The following YAP1 variants were observed in gnomAD, a reference collection of about 807,000 sequenced individuals.
The protein encoded by YAP1 is Yes1 associated transcriptional regulator, also known as transcriptional coactivator YAP1.
YAP1 carries 5 observed loss-of-function variants against 56.9 expected under a neutral mutation model. That is an observed-to-expected ratio of 0.09 (90% CI 0.05 to 0.18). The LOEUF is 0.18. Among genes scored for constraint, YAP1 ranks in the 10% least tolerant of loss-of-function variants. YAP1 has a pLI of 1.00. For missense variants in YAP1, 539 were observed against 651.8 expected (o/e 0.83, Z 1.88); for synonymous variants, 265 against 248.1 (o/e 1.07, Z -0.64).
chr11:102,153,549 A>C (rs1945782250), intron 2 of YAP1, among the ~76,000 whole-genome samples: 1 of 152,208 alleles, frequency 6.6e-6, no homozygotes, highest in South Asian at 2.1e-4. Context: ...TGTTTATTAT[A>C]TGTGAATTAG....
At chr11:102,208,091 A>G (rs1389669806) in intron 5 of YAP1, among the ~76,000 whole-genome samples, 5 of 152,230 alleles carry the variant, frequency 3.3e-5, no homozygotes, top group Non-Finnish European at 5.9e-5. Flanking sequence ...AAAATTAAAT[A>G]TCACACCTAG....
intron 4 of YAP1, among the ~76,000 whole-genome samples, chr11:102,197,177 C>T (rs1728655754): frequency 1.3e-5 from 2 of 152,204 alleles, no homozygotes; most frequent in South Asian, 2.1e-4. Flanking sequence ...ATGAGGAAAA[C>T]CCAAATATTT....
At position 102,223,781 on chromosome 11, in the gene YAP1, C is replaced by T. The variant is rs374301308; in HGVS notation, c.1163+29C>T. On this transcript the variant is annotated intron_variant, in intron 7 of 8. Transcript: ENST00000282441. ...GGTGAAAGTTGCTACTGGTGAATATCTGAAAAGGATCATTGCTTTAAAATC... is the reference window on the plus strand; with the variant it reads ...GGTGAAAGTTGCTACTGGTGAATATTTGAAAAGGATCATTGCTTTAAAATC... The T allele has an allele frequency of 9.9e-6, 16 of 1,612,540 alleles. No individual in the cohort carries two copies. In the African/African-American group the frequency reaches 2.0e-4, roughly 20 times the overall value.
chr11:102,214,060 G>C (rs892772920), intron 6 of YAP1, among the ~76,000 whole-genome samples: 1 of 152,206 alleles, frequency 6.6e-6, no homozygotes, highest in African/African-American at 2.4e-5. Context: ...CTGGGTGACA[G>C]AGTGAGACTC....
At chr11:102,193,850 T>G (rs1343610980) in intron 4 of YAP1, among the ~76,000 whole-genome samples, 3 of 151,648 alleles carry the variant, frequency 2.0e-5, no homozygotes, top group South Asian at 2.1e-4. Context: ...TTTGTTTTTT[T>G]TTTTTTGAGA....
intron 6 of YAP1, among the ~76,000 whole-genome samples, chr11:102,219,008 T>C (rs1215301257): frequency 6.6e-6 from 1 of 152,162 alleles, no homozygotes; most frequent in Non-Finnish European, 1.5e-5. Context: ...GTTGTAAAAA[T>C]AATATGAAAA....
At chr11:102,183,368 A>T (rs998913428) in intron 3 of YAP1, among the ~76,000 whole-genome samples, 2 of 152,214 alleles carry the variant, frequency 1.3e-5, no homozygotes, top group Non-Finnish European at 2.9e-5. Flanking sequence ...TTTCCTCTTG[A>T]TGGAGAGCAA....
chr11:102,193,778 C>T (rs1051334282), intron 4 of YAP1, among the ~76,000 whole-genome samples: 10 of 151,862 alleles, frequency 6.6e-5, no homozygotes, highest in South Asian at 2.1e-4. Flanking sequence ...TTACTAAAGC[C>T]GCTATCAAAC....
At chr11:102,184,701 C>T (rs1199942576) in intron 3 of YAP1, among the ~76,000 whole-genome samples, 3 of 152,228 alleles carry the variant, frequency 2.0e-5, no homozygotes, top group Non-Finnish European at 2.9e-5. Context: ...TATTCAGCAT[C>T]ACCCATGAGA....
intron 6 of YAP1, among the ~76,000 whole-genome samples, chr11:102,212,918 T>C (rs149461849): frequency 2.5e-4 from 38 of 152,362 alleles, no homozygotes; most frequent in Admixed American, 1.2e-3. Flanking sequence ...TGGTTACTTA[T>C]GATTTTTATG....
At chr11:102,204,841 T>C (rs188138208) in intron 4 of YAP1, among the ~76,000 whole-genome samples, 2 of 152,202 alleles carry the variant, frequency 1.3e-5, no homozygotes, top group African/African-American at 4.8e-5. Flanking sequence ...TTCCTTGTTA[T>C]GCTCTGGAAG....
intron 7 of YAP1, 40 bp downstream of exon 7, chr11:102,223,792 C>G: frequency 1.2e-6 from 2 of 1,610,798 alleles, no homozygotes; most frequent in Middle Eastern, 1.7e-4. Context: ...TGAAAAGGAT[C>G]ATTGCTTTAA....
rs760516459 is a variant in YAP1 at position 102,204,016 on chromosome 11, G to A, written c.803-1877G>A. On this transcript the variant is annotated intron_variant, in intron 4 of 8. Transcript: ENST00000282441. Reference sequence around the variant, plus strand: ...GCTGAGAAGATTGGATTGAACTAAGGCATTATTCTGAGGGAGGTTGGTCTG... The same window carrying A: ...GCTGAGAAGATTGGATTGAACTAAGACATTATTCTGAGGGAGGTTGGTCTG... 3.3e-5 allele frequency among the ~76,000 whole-genome samples: 5 copies of A among 151,960 alleles called. No individual in the cohort carries two copies. The South Asian group carries it at 6.2e-4, about 19-fold the overall frequency.
At chr11:102,160,859 C>T (rs1050284267) in intron 2 of YAP1, among the ~76,000 whole-genome samples, 1 of 152,158 alleles carries the variant, frequency 6.6e-6, no homozygotes, top group African/African-American at 2.4e-5. Flanking sequence ...TCCCTTTGCA[C>T]ATCTTCAGCT....
intron 4 of YAP1, among the ~76,000 whole-genome samples, chr11:102,195,194 T>C (rs1303532666): frequency 6.6e-6 from 1 of 152,214 alleles, no homozygotes; most frequent in African/African-American, 2.4e-5. Flanking sequence ...TTCTCCCTTT[T>C]CTGCCTCACC....
intron 4 of YAP1, among the ~76,000 whole-genome samples, chr11:102,194,829 A>G (rs1948490773): frequency 6.6e-6 from 1 of 152,242 alleles, no homozygotes; most frequent in Non-Finnish European, 1.5e-5. Flanking sequence ...AAATGAAATT[A>G]GAAATAAAGT....
At chr11:102,206,691 A>C (rs1949137324) in intron 5 of YAP1, among the ~76,000 whole-genome samples, 1 of 152,130 alleles carries the variant, frequency 6.6e-6, no homozygotes, top group African/African-American at 2.4e-5. Context: ...AAAAATAAAA[A>C]AATTAGCCAA....
chr11:102,193,713 G>A lies in YAP1; in HGVS notation c.802+7582G>A, dbSNP rs141849681. On this transcript the variant is annotated intron_variant, in intron 4 of 8. Transcript: ENST00000282441. ...CATACAGGATTTTTTAAACATGAAAGTTTAAGACCAGCAACGTCAATTAGA... is the reference window on the plus strand; with the variant it reads ...CATACAGGATTTTTTAAACATGAAAATTTAAGACCAGCAACGTCAATTAGA... Among the ~76,000 whole-genome samples the A allele has an allele frequency of 5.1e-3, 773 of 152,172 alleles. 9 individuals are homozygous for A. Among genetic ancestry groups the A allele is most frequent in the African/African-American group, 0.018 (740 of 41,526 alleles).
At chr11:102,121,653 G>C (rs1268951825) in intron 2 of YAP1, among the ~76,000 whole-genome samples, 1 of 152,056 alleles carries the variant, frequency 6.6e-6, no homozygotes, top group African/African-American at 2.4e-5. Context: ...AAAGACTGTA[G>C]TATATATATA....
Sources: gnomAD v4.1 joint callset for allele counts (sites outside exome capture counted in the v4.1 genomes callset) on GRCh38, gnomAD v4.1.1 for gene constraint, MANE v1.5 for transcripts, NCBI Gene and HGNC (gene_info 2026-07-23, HGNC 2026-07-21) for gene names.